PLGRKT: variants seen among roughly 807,000 people sequenced by gnomAD.
PLGRKT encodes plasminogen receptor with a C-terminal lysine.
In PLGRKT, 22 loss-of-function variants were observed where a neutral mutation model predicts 18.5. The observed-to-expected ratio is 1.19, with a 90% confidence interval of 0.85 to 1.70. The LOEUF is 1.70. Ranked by LOEUF, PLGRKT falls within the 40% of genes most tolerant of loss-of-function variation. PLGRKT has a pLI of 0.00. For synonymous variants in PLGRKT, 72 were observed against 52.8 expected (o/e 1.36, Z -1.58); for missense variants, 235 against 174.4 (o/e 1.35, Z -1.96).
At chr9:5,388,624 C>G (rs1817889755) in intron 3 of PLGRKT, among the ~76,000 whole-genome samples, 1 of 151,972 alleles carries the variant, frequency 6.6e-6, no homozygotes, top group Non-Finnish European at 1.5e-5. Flanking sequence ...TTGGAATAGC[C>G]CAAGGGCATG....
intron 3 of PLGRKT, among the ~76,000 whole-genome samples, chr9:5,424,668 T>TTATATATATATATATGTATATA (rs1554634175): frequency 1.6e-4 from 18 of 113,160 alleles, no homozygotes; most frequent in African/African-American, 6.6e-4. Context: ...ATTATATATT[T>TTATATATATATATATGTATATA]TATATATATA....
chr9:5,431,802 T>A, intron 3 of PLGRKT, 95 bp downstream of exon 3: 1 of 655,232 alleles, frequency 1.5e-6, no homozygotes, highest in South Asian at 1.9e-5. Context: ...GAACATTTTA[T>A]TGTTGGGAGT....
intron 3 of PLGRKT, among the ~76,000 whole-genome samples, chr9:5,429,224 C>G (rs1023742872): frequency 6.6e-6 from 1 of 152,148 alleles, no homozygotes; most frequent in African/African-American, 2.4e-5. Context: ...AACAGACTCC[C>G]CAGTCAGGGA....
At chr9:5,425,265 A>G (rs1027711369) in intron 3 of PLGRKT, among the ~76,000 whole-genome samples, 5 of 152,162 alleles carry the variant, frequency 3.3e-5, no homozygotes, top group Admixed American at 6.5e-5. Context: ...TTTTTAGAGG[A>G]GTTTTTAGAT....
chr9:5,374,392 T>C (rs896261643), intron 3 of PLGRKT, among the ~76,000 whole-genome samples: 9 of 152,234 alleles, frequency 5.9e-5, no homozygotes, highest in Non-Finnish European at 1.3e-4. Context: ...TGCTTAAAAA[T>C]GTTCAGTGGT....
intron 3 of PLGRKT, among the ~76,000 whole-genome samples, chr9:5,379,846 G>A (rs779102050): frequency 6.6e-6 from 1 of 152,180 alleles, no homozygotes; most frequent in East Asian, 1.9e-4. Context: ...CAATTTGACA[G>A]TATCTGTGTG....
At chr9:5,404,154 G>T (rs1339344188) in intron 3 of PLGRKT, among the ~76,000 whole-genome samples, 2 of 152,088 alleles carry the variant, frequency 1.3e-5, no homozygotes, top group African/African-American at 4.8e-5. Flanking sequence ...ACCAAAAACA[G>T]CCCAGATCCT....
At chr9:5,409,139 A>G (rs1399502022) in intron 3 of PLGRKT, among the ~76,000 whole-genome samples, 2 of 152,208 alleles carry the variant, frequency 1.3e-5, no homozygotes, top group African/African-American at 4.8e-5. Flanking sequence ...CCCCACAAAG[A>G]TTCCACTGGG....
At chr9:5,386,155 G>T (rs770954817) in intron 3 of PLGRKT, among the ~76,000 whole-genome samples, 3 of 151,874 alleles carry the variant, frequency 2.0e-5, no homozygotes, top group Non-Finnish European at 4.4e-5. Flanking sequence ...TGACCCAGGA[G>T]TCATGTGTCT....
At chr9:5,424,418 A>G (rs1229075907) in intron 3 of PLGRKT, among the ~76,000 whole-genome samples, 1 of 121,116 alleles carries the variant, frequency 8.3e-6, no homozygotes, top group Admixed American at 9.2e-5. Flanking sequence ...ATATTAACAT[A>G]TAATATATAA....
intron 3 of PLGRKT, among the ~76,000 whole-genome samples, chr9:5,421,235 C>T (rs76820622): frequency 0.055 from 8,362 of 152,266 alleles, 281 homozygotes; most frequent in South Asian, 0.14. Flanking sequence ...AGTGTCTCTG[C>T]ATTCACTTTC....
At chr9:5,391,676 T>A (rs1400123406) in intron 3 of PLGRKT, among the ~76,000 whole-genome samples, 2 of 151,892 alleles carry the variant, frequency 1.3e-5, no homozygotes, top group African/African-American at 2.4e-5. Context: ...CTAGCTCTTC[T>A]CCATGGATGA....
chr9:5,403,694 C>T (rs1448700608), intron 3 of PLGRKT, among the ~76,000 whole-genome samples: 4 of 152,160 alleles, frequency 2.6e-5, no homozygotes, highest in Non-Finnish European at 5.9e-5. Context: ...AAACTTCTAT[C>T]CTGGAAGCAA....
At chr9:5,404,862 C>T (rs945151300) in intron 3 of PLGRKT, among the ~76,000 whole-genome samples, 3 of 151,984 alleles carry the variant, frequency 2.0e-5, no homozygotes, top group African/African-American at 7.2e-5. Context: ...ATGACATGAC[C>T]CTTTACCTAG....
intron 3 of PLGRKT, among the ~76,000 whole-genome samples, chr9:5,428,280 A>G (rs147388027): frequency 5.9e-5 from 9 of 152,220 alleles, no homozygotes; most frequent in East Asian, 5.8e-4. Flanking sequence ...CCAGTCCCCA[A>G]TCCTCCCCTG....
intron 3 of PLGRKT, among the ~76,000 whole-genome samples, chr9:5,395,611 A>G (rs1818029337): frequency 6.6e-6 from 1 of 151,952 alleles, no homozygotes; most frequent in Non-Finnish European, 1.5e-5. Context: ...ACATGTTTAA[A>G]CAGTGCAAAT....
chr9:5,358,210 G>C lies in PLGRKT; in HGVS notation c.*29C>G. 1 of 1,570,376 alleles carries C rather than the reference G, an allele frequency of 6.4e-7. No homozygotes were observed. Among genetic ancestry groups the C allele is most frequent in the East Asian group, 2.3e-5 (1 of 44,440 alleles). On this transcript the variant is annotated 3_prime_UTR_variant, in exon 6 of 6. Coordinates refer to ENST00000223864, the MANE Select transcript of PLGRKT (RefSeq NM_018465.4). ...CCATGATTCAAGTCAATAATTCTGTGCTTTGAGATTTGATTGGTAAGCATG... is the reference window on the plus strand; with the variant it reads ...CCATGATTCAAGTCAATAATTCTGTCCTTTGAGATTTGATTGGTAAGCATG...
chr9:5,368,569 C>G (rs1233730205), intron 3 of PLGRKT, among the ~76,000 whole-genome samples: 1 of 151,976 alleles, frequency 6.6e-6, no homozygotes, highest in Non-Finnish European at 1.5e-5. Flanking sequence ...CAATAGACAC[C>G]AAGGACTACT....
At chr9:5,361,226 T>A (rs201909330) in intron 4 of PLGRKT, 39 bp from the exon 5 acceptor site, 1 of 1,206,942 alleles carries the variant, frequency 8.3e-7, no homozygotes, top group East Asian at 2.3e-5. Context: ...TATCAAAAAA[T>A]AACCTGTAAA....
Sources: allele counts gnomAD v4.1 joint callset (sites outside exome capture counted in the v4.1 genomes callset), GRCh38; gene constraint gnomAD v4.1.1; transcripts MANE v1.5; gene names NCBI Gene and HGNC (gene_info 2026-07-23, HGNC 2026-07-21).